The following SERPIND1 variants were observed in gnomAD, a reference collection of about 807,000 sequenced individuals.
The protein encoded by SERPIND1 is heparin cofactor 2.
A neutral mutation model predicts 35.0 loss-of-function variants in SERPIND1; 34 were observed. That is an observed-to-expected ratio of 0.97 (90% CI 0.74 to 1.29). The LOEUF (loss-of-function observed/expected upper bound fraction) is 1.29, where lower values mean the gene tolerates loss of function less well. SERPIND1 is among the 50% of genes most tolerant of loss of function. SERPIND1 has a pLI of 0.00. For synonymous variants in SERPIND1, 236 were observed against 241.1 expected (o/e 0.98, Z 0.19); for missense variants, 633 against 637.7 (o/e 0.99, Z 0.08).
In SERPIND1 at chr22:20,787,101, G is replaced by A; in HGVS notation, c.*35G>A. The A allele has an allele frequency of 3.2e-6, 5 of 1,576,444 alleles. No homozygotes were observed. Among genetic ancestry groups the A allele is most frequent in the Non-Finnish European group, 4.4e-6 (5 of 1,146,500 alleles). ...TCTAGGTGTCTGAAGTGCCTTGGGG[G>A]CACCCTCATTTTGTTTCCATTCCAA... On this transcript the variant is annotated 3_prime_UTR_variant, in exon 5 of 5. Transcript: ENST00000215727.
intron 3 of SERPIND1, 32 bp from the exon 4 acceptor site, chr22:20,785,972 A>G (rs2147515766): frequency 6.2e-7 from 1 of 1,614,164 alleles, no homozygotes; most frequent in Non-Finnish European, 8.5e-7. Context: ...GTGGTTCAAT[A>G]AAACTGGGCC....
Position 20,781,945 on chromosome 22 carries a change from A to G in SERPIND1, c.889+1744A>G, listed in dbSNP as rs192604113. Among the ~76,000 whole-genome samples the G allele has an allele frequency of 9.8e-5, 15 of 152,378 alleles. No individual in the cohort carries two copies. In the East Asian group the frequency reaches 2.9e-3, roughly 29 times the overall value. ...AAGAACCATAAGCGATGGCAATGCA[A>G]CAGAGTGGCACATGACAAGAGCTCA... On this transcript the variant is annotated intron_variant, in intron 2 of 4. Transcript: ENST00000215727.
intron 2 of SERPIND1, among the ~76,000 whole-genome samples, chr22:20,780,910 G>T (rs1933750515): frequency 6.6e-6 from 1 of 152,086 alleles, no homozygotes; most frequent in East Asian, 1.9e-4. Flanking sequence ...AACTGTTTTA[G>T]CATTTGGCCA....
Position 20,786,872 on chromosome 22 carries a change from C to CA in SERPIND1, c.1309-2dup, listed in dbSNP as rs753562748. ...GAATCTGACAACTTTCCTTTCCAAA[C>CA]AGTTCAAGCACCAAGGCACGATCAC... On this transcript the variant is annotated splice_region_variant and splice_polypyrimidine_tract_variant and intron_variant, in intron 4 of 4. Coordinates refer to ENST00000215727, the MANE Select transcript of SERPIND1 (RefSeq NM_000185.4). 2.5e-6 allele frequency: 4 copies of CA among 1,614,172 alleles called. No individual in the cohort carries two copies. The South Asian group carries it at 4.4e-5, about 18-fold the overall frequency.
rs1460302726 is a variant in SERPIND1, at chr22:20,786,932, A to G, written c.1366A>G (p.Thr456Ala). 1 of 1,614,032 alleles carries G rather than the reference A, an allele frequency of 6.2e-7. No individual in the cohort carries two copies. The highest frequency in any genetic ancestry group is 8.5e-7 in the Non-Finnish European group (1 of 1,180,026). ...GGAAGGCACCCAAGCCACCACTGTGACCACGGTGGGGTTCATGCCGCTGTC... is the reference window on the plus strand; with the variant it reads ...GGAAGGCACCCAAGCCACCACTGTGGCCACGGTGGGGTTCATGCCGCTGTC... ...NEEGTQATTV[T>A]TVGFMPLSTQ... is the part of the protein sequence containing the mutation. Residue 456 changes from threonine (T) to alanine (A), a missense_variant, in exon 5 of 5, where the codon ACC (threonine) becomes GCC (alanine). By Grantham distance (58) the Thr-to-Ala change is moderately conservative. Transcript: ENST00000215727.
chr22:20,786,024 C>T lies in SERPIND1; in HGVS notation c.1184C>T (p.Pro395Leu), dbSNP rs1330688744. The T allele has an allele frequency of 7.4e-6, 12 of 1,614,094 alleles. No homozygotes were observed. The highest frequency in any genetic ancestry group is 4.4e-5 in the South Asian group (4 of 91,074). ...TCTAGAACTCGAGAAGTGCTTCTGC[C>T]GAAATTCAAGCTGGAGAAGAACTAC... ...MTNRTREVLLPKFKLEKNYNL... is the reference protein window; with the variant it reads ...MTNRTREVLLLKFKLEKNYNL... The change falls in exon 4 of 5, where the codon CCG (proline) becomes CTG (leucine). Residue 395 changes from proline (P) to leucine (L), a missense_variant. Transcript: ENST00000215727.
chr22:20,786,177 C>T (rs1276660794), intron 4 of SERPIND1, 29 bp downstream of exon 4: 6 of 1,612,868 alleles, frequency 3.7e-6, no homozygotes, highest in African/African-American at 2.7e-5. Context: ...ACCCCCGACC[C>T]GTCCCCAGGG....
At position 20,787,236 on chromosome 22, in the gene SERPIND1, G is replaced by C. The variant is rs990268041; in HGVS notation, c.*170G>C. Reference sequence around the variant, plus strand: ...AACGACCAAGAAGAGAGGCTTGTTGGAATCAATTCTGCACAATAGCCCATG... The same window carrying C: ...AACGACCAAGAAGAGAGGCTTGTTGCAATCAATTCTGCACAATAGCCCATG... On this transcript the variant is annotated 3_prime_UTR_variant, in exon 5 of 5. Transcript: ENST00000215727. 21 of 672,124 alleles carry C rather than the reference G, an allele frequency of 3.1e-5. No individual in the cohort carries two copies. Among genetic ancestry groups the C allele is most frequent in the Non-Finnish European group, 5.3e-5 (20 of 379,726 alleles). 41.6% of individuals were successfully genotyped at this position (672,124 alleles called of 1,614,324 possible). A position where few individuals can be genotyped will look rare whatever the true frequency, so the allele number is the denominator to read the frequency against.
At chr22:20,775,234 TTAAAA>T (rs2147456015) in intron 1 of SERPIND1, among the ~76,000 whole-genome samples, 1 of 152,314 alleles carries the variant, frequency 6.6e-6, no homozygotes, top group South Asian at 2.1e-4. Context: ...TGATTTATCT[TTAAAA>T]TATATTGTTT....
At chr22:20,781,932 C>T (rs983979566) in intron 2 of SERPIND1, among the ~76,000 whole-genome samples, 4 of 152,114 alleles carry the variant, frequency 2.6e-5, no homozygotes, top group Admixed American at 1.3e-4. Flanking sequence ...GAACCATAAG[C>T]GATGGCAATG....
chr22:20,779,771 A>G lies in SERPIND1; in HGVS notation c.459A>G (p.Ile153Met), dbSNP rs1222781465. 1.2e-6 allele frequency: 2 copies of G among 1,614,094 alleles called. No individual in the cohort carries two copies. The highest frequency in any genetic ancestry group is 1.7e-5 in the Admixed American group (1 of 60,002). The change falls in exon 2 of 5, where the codon ATA becomes ATG. Residue 153 changes from isoleucine (I) to methionine (M), a missense_variant. Coordinates refer to ENST00000215727, the MANE Select transcript of SERPIND1 (RefSeq NM_000185.4). Reference sequence around the variant, plus strand: ...TCAACACTTTCGATAACATCTTCATAGCACCCGTTGGCATTTCTACTGCGA... The same window carrying G: ...TCAACACTTTCGATAACATCTTCATGGCACCCGTTGGCATTTCTACTGCGA... Reference protein sequence around the residue: ...DQVNTFDNIFIAPVGISTAMG... With the variant: ...DQVNTFDNIFMAPVGISTAMG...
At chr22:20,776,758 A>G (rs1933319242) in intron 1 of SERPIND1, among the ~76,000 whole-genome samples, 1 of 152,114 alleles carries the variant, frequency 6.6e-6, no homozygotes, top group African/African-American at 2.4e-5. Flanking sequence ...TGATATATAA[A>G]ATGTTGGGAG....
chr22:20,780,264 G>A (rs529395195), intron 2 of SERPIND1, 63 bp downstream of exon 2: 731 of 1,606,486 alleles, frequency 4.6e-4, no homozygotes, highest in Middle Eastern at 8.3e-4. Flanking sequence ...TATGTGGGTA[G>A]ATTGAATGCC....
chr22:20,784,077 T>G lies in SERPIND1; in HGVS notation c.995T>G (p.Phe332Cys), dbSNP rs199641999. The change falls in exon 3 of 5, where the codon TTC becomes TGC. Residue 332 changes from phenylalanine (F) to cysteine (C), a missense_variant. Phe to Cys is a radical substitution (Grantham distance 205). Transcript: ENST00000215727. ...KVSMMQTKGNFLAANDQELDC... is the reference protein window; with the variant it reads ...KVSMMQTKGNCLAANDQELDC... ...TCCATGATGCAGACCAAGGGGAACT[T>G]CCTCGCAGCAAATGACCAGGAGCTG... 6.2e-7 allele frequency: 1 copy of G among 1,614,090 alleles called. No individual in the cohort carries two copies. Among genetic ancestry groups the G allele is most frequent in the African/African-American group, 1.3e-5 (1 of 74,992 alleles).
At chr22:20,784,521 C>T (rs968480993) in intron 3 of SERPIND1, among the ~76,000 whole-genome samples, 17 of 152,204 alleles carry the variant, frequency 1.1e-4, no homozygotes, top group Middle Eastern at 3.4e-3. Context: ...TTTGTGGCTT[C>T]GAGTCCCAGC....
At chr22:20,786,517 C>T (rs1318199296) in intron 4 of SERPIND1, among the ~76,000 whole-genome samples, 2 of 152,178 alleles carry the variant, frequency 1.3e-5, no homozygotes, top group Admixed American at 6.5e-5. Flanking sequence ...ACCAATCGGG[C>T]GCTCAGCAAA....
chr22:20,780,562 G>A (rs1225711522), intron 2 of SERPIND1, among the ~76,000 whole-genome samples: 1 of 152,132 alleles, frequency 6.6e-6, no homozygotes, highest in Non-Finnish European at 1.5e-5. Context: ...GAGGTCAGGA[G>A]TTCGAGATCA....
intron 2 of SERPIND1, 93 bp downstream of exon 2, chr22:20,780,294 T>C (rs958075056): frequency 1.0e-5 from 16 of 1,576,716 alleles, no homozygotes; most frequent in Non-Finnish European, 1.3e-5. Context: ...ACTGTAGCTA[T>C]AATTTATCCA....
In SERPIND1 at chr22:20,787,195, A is replaced by G; in HGVS notation, c.*129A>G. On this transcript the variant is annotated 3_prime_UTR_variant, in exon 5 of 5. Transcript: ENST00000215727. ...CTACCAATCTGAATTCGAGGCCCAT[A>G]TGAGAGGAGCTTAGAAACGACCAAG... The G allele has an allele frequency of 4.8e-6, 4 of 840,744 alleles. No homozygotes were observed. In the South Asian group the frequency reaches 5.7e-5, roughly 12 times the overall value. 52.1% of individuals were successfully genotyped at this position (840,744 alleles called of 1,614,324 possible).
Sources: allele counts gnomAD v4.1 joint callset (sites outside exome capture counted in the v4.1 genomes callset), GRCh38; gene constraint gnomAD v4.1.1; transcripts MANE v1.5; gene names NCBI Gene and HGNC (gene_info 2026-07-23, HGNC 2026-07-21).